Variants in ZNF571 observed in about 807,000 individuals in gnomAD.
ZNF571 encodes the protein zinc finger protein 571.
Under a neutral mutation model 7.7 loss-of-function variants are expected in ZNF571, and 4 were observed. The ratio of observed to expected loss-of-function variants is 0.52; its 90% CI spans 0.25 to 1.18. The LOEUF (loss-of-function observed/expected upper bound fraction) is 1.18. Ranked by LOEUF, ZNF571 falls within the 50% of genes most tolerant of loss-of-function variation. The pLI, the probability that ZNF571 is intolerant of heterozygous loss-of-function variation, is 0.14. For synonymous variants in ZNF571, 251 were observed against 232.4 expected, an observed-to-expected ratio of 1.08 and a Z score of -0.73; for missense variants, 704 against 726.9, an observed-to-expected ratio of 0.97 and a Z score of 0.36.
intron 3 of ZNF571, among the ~76,000 whole-genome samples, chr19:37,570,202 T>A (rs2043004790): frequency 6.6e-6 from 1 of 152,188 alleles, no homozygotes; most frequent in African/African-American, 2.4e-5. Context: ...GTTTCCTGGG[T>A]CCTTGGTCAT....
intron 1 of ZNF571, 38 bp from the exon 2 acceptor site, chr19:37,586,783 T>G (rs1391821271): frequency 4.9e-6 from 6 of 1,212,248 alleles, no homozygotes; most frequent in Non-Finnish European, 7.2e-6. Context: ...TAGACTTGGC[T>G]CACAGCCCAC....
intron 3 of ZNF571, 94 bp from the exon 4 acceptor site, chr19:37,566,385 A>T (rs1041292918): frequency 7.1e-7 from 1 of 1,400,730 alleles, no homozygotes; most frequent in Non-Finnish European, 9.6e-7. Flanking sequence ...AATTCTCATT[A>T]AGAATAGAAT....
chr19:37,589,864 C>CAAAAAAAAAAAAAAAAAAAAAA (rs60136941), intron 1 of ZNF571, among the ~76,000 whole-genome samples: 1 of 29,588 alleles, frequency 3.4e-5, no homozygotes, highest in Non-Finnish European at 5.5e-5. Context: ...GACTCCATCT[C>CAAAAAAAAAAAAAAAAAAAAAA]AAAAAAAAAA....
In ZNF571 at chr19:37,565,706, T is replaced by C. The variant is rs2042831092; in HGVS notation, c.722A>G (p.His241Arg). 6.2e-7 allele frequency: 1 copy of C among 1,613,854 alleles called. No homozygotes were observed. The highest frequency in any genetic ancestry group is 8.5e-7 in the Non-Finnish European group (1 of 1,179,926). The part of the protein sequence containing the change: ...AFIRGSQLTE[H>R]QRVHTGEKPY... ...TTTCTCTCCTGTATGAACTCTCTGA[T>C]GTTCAGTGAGCTGTGAACCACGAAT... Residue 241 changes from histidine to arginine, a missense_variant, in exon 4 of 4, where the codon CAT (histidine) becomes CGT (arginine). Transcript: ENST00000451802.
chr19:37,570,392 A>G (rs1023820265), intron 3 of ZNF571, among the ~76,000 whole-genome samples: 10 of 151,894 alleles, frequency 6.6e-5, no homozygotes, highest in African/African-American at 2.4e-4. Flanking sequence ...GTTTTCCTTC[A>G]TGTCTTTCCC....
At chr19:37,567,063 G>A (rs780008868) in intron 3 of ZNF571, among the ~76,000 whole-genome samples, 3 of 152,118 alleles carry the variant, frequency 2.0e-5, no homozygotes, top group Non-Finnish European at 4.4e-5. Flanking sequence ...TCTTTAGAAT[G>A]CCCTTCCTCT....
At chr19:37,589,200 CA>C (rs35689698) in intron 1 of ZNF571, among the ~76,000 whole-genome samples, 49 of 108,906 alleles carry the variant, frequency 4.5e-4, no homozygotes, top group African/African-American at 9.7e-4. Context: ...AACTCCGTCT[CA>C]AAAAAAAAAA....
At position 37,565,502 on chromosome 19, in the gene ZNF571, C is replaced by G. The variant is rs200938011; in HGVS notation, c.926G>C (p.Cys309Ser). The G allele has an allele frequency of 1.3e-5, 21 of 1,613,610 alleles. No homozygotes were observed. The highest frequency in any genetic ancestry group is 1.8e-5 in the Non-Finnish European group (21 of 1,179,862). The change falls in exon 4 of 4, where the codon TGT becomes TCT. Residue 309 changes from cysteine to serine, a missense_variant. Transcript: ENST00000451802. ...AATAAAGGCCTTTCCACATTCCTTACACTCATAAGGTTTCTCACCACTATG... is the reference window on the plus strand; with the variant it reads ...AATAAAGGCCTTTCCACATTCCTTAGACTCATAAGGTTTCTCACCACTATG... ...RIHSGEKPYECKECGKAFILG... is the reference protein window; with the variant it reads ...RIHSGEKPYESKECGKAFILG...
chr19:37,584,912 C>T (rs1027997356), intron 2 of ZNF571, among the ~76,000 whole-genome samples: 28 of 146,440 alleles, frequency 1.9e-4, no homozygotes, highest in African/African-American at 6.4e-4. Context: ...TGCAGTGAGC[C>T]GAGATTGCGC....
chr19:37,566,520 A>G (rs1481877678), intron 3 of ZNF571: 1 of 466,472 alleles, frequency 2.1e-6, no homozygotes, highest in African/African-American at 2.0e-5. Flanking sequence ...GTGGTTCTCA[A>G]ACTTTGGAAT....
intron 3 of ZNF571, among the ~76,000 whole-genome samples, chr19:37,577,864 A>G (rs529613048): frequency 2.6e-5 from 4 of 152,316 alleles, no homozygotes; most frequent in African/African-American, 9.6e-5. Flanking sequence ...TAAGTGGATC[A>G]TCTAAAACAG....
intron 2 of ZNF571, among the ~76,000 whole-genome samples, chr19:37,584,870 A>T (rs1379810866): frequency 3.3e-5 from 5 of 151,532 alleles, no homozygotes; most frequent in Non-Finnish European, 7.4e-5. Context: ...AGGCTGAGGC[A>T]GGAGAATGGC....
At position 37,565,334 on chromosome 19, in the gene ZNF571, C is replaced by T; in HGVS notation, c.1094G>A (p.Cys365Tyr). 6.2e-7 allele frequency: 1 copy of T among 1,612,872 alleles called. No homozygotes were observed. Among genetic ancestry groups the T allele is most frequent in the South Asian group, 1.1e-5 (1 of 90,838 alleles). The change falls in exon 4 of 4, where the codon TGT becomes TAT. Residue 365 changes from cysteine to tyrosine, a missense_variant. Cys to Tyr is a radical substitution (Grantham distance 194). Transcript: ENST00000451802. ...RIHTGEKPYECKECGKTFFRG... is the reference protein window; with the variant it reads ...RIHTGEKPYEYKECGKTFFRG... ...AAAAAAGGTCTTCCCGCATTCTTTACATTCATAGGGTTTCTCTCCTGTATG... is the reference window on the plus strand; with the variant it reads ...AAAAAAGGTCTTCCCGCATTCTTTATATTCATAGGGTTTCTCTCCTGTATG...
intron 2 of ZNF571, 127 bp downstream of exon 2, chr19:37,586,540 GA>G (rs2043680265): frequency 1.9e-6 from 2 of 1,025,668 alleles, no homozygotes; most frequent in Non-Finnish European, 3.0e-6. Flanking sequence ...TTACTCGCTA[GA>G]ATGGGAGACG....
chr19:37,591,986 G>A (rs745817767), intron 1 of ZNF571, among the ~76,000 whole-genome samples: 2 of 152,008 alleles, frequency 1.3e-5, no homozygotes, highest in Non-Finnish European at 2.9e-5. Flanking sequence ...GGCCAGGCGC[G>A]GTGCCTCACA....
chr19:37,565,206 G>A lies in ZNF571; in HGVS notation c.1222C>T (p.Gln408Ter). 1 of 1,613,236 alleles carries A rather than the reference G, an allele frequency of 6.2e-7. No homozygotes were observed. The highest frequency in any genetic ancestry group is 1.1e-5 in the South Asian group (1 of 90,936). ...TCTCCGGTATGAATTCTTTGATGTT[G>A]AATAAGATTAGAATTAGAAATAAAG... ...KAFISNSNLI[Q>*]HQRIHTGEKP... Residue 408 changes from glutamine (Q) to a stop codon, truncating the protein, a stop_gained, in exon 4 of 4, where the codon CAA (glutamine) becomes TAA (stop). Transcript: ENST00000451802. LOFTEE classifies it low-confidence loss of function (END_TRUNC).
chr19:37,586,703 G>A lies in ZNF571; in HGVS notation c.-27C>T, dbSNP rs1318221298. ...GTTTTTTAGAACTGATCAATTTTCT[G>A]GGTTCTTCTCCTGGAGGTGTGCAAA... is the stretch of plus-strand genomic sequence containing the variant. On this transcript the variant is annotated 5_prime_UTR_variant, in exon 2 of 4. Transcript: ENST00000451802. The A allele has an allele frequency of 6.2e-7, 1 of 1,613,950 alleles. No individual in the cohort carries two copies. The highest frequency in any genetic ancestry group is 1.7e-5 in the Admixed American group (1 of 60,002).
rs913683439 is a variant in ZNF571 at position 37,565,260 on chromosome 19, GTC to G, written c.1166_1167del (p.Arg389ThrfsTer3). ...TTCCCACATTCTTTGCATTTATAAG[GTC>G]TCTCACCTGAATGAACTCTCAGGTG... ...TYHLRVHSGE[R>X]PYKCKECGKA... On this transcript the variant is annotated frameshift_variant, in exon 4 of 4. Coordinates refer to ENST00000451802, the MANE Select transcript of ZNF571 (RefSeq NM_016536.5). LOFTEE classifies it low-confidence loss of function (END_TRUNC). 4 of 1,611,738 alleles carry G rather than the reference GTC, an allele frequency of 2.5e-6. No homozygotes were observed. Among genetic ancestry groups the G allele is most frequent in the Non-Finnish European group, 1.7e-6 (2 of 1,179,222 alleles).
intron 1 of ZNF571, chr19:37,594,540 C>G (rs1009269088): frequency 1.3e-5 from 2 of 152,434 alleles, no homozygotes; most frequent in South Asian, 4.1e-4. Flanking sequence ...CCCGCCACTG[C>G]CAGAACCAAA....
Sources: allele counts gnomAD v4.1 joint callset (sites outside exome capture counted in the v4.1 genomes callset), GRCh38; gene constraint gnomAD v4.1.1; transcripts MANE v1.5; gene names NCBI Gene and HGNC (gene_info 2026-07-23, HGNC 2026-07-21).